The following EGF variants were observed in gnomAD, a reference collection of about 807,000 sequenced individuals.
EGF encodes the protein epidermal growth factor.
Under a neutral mutation model 143.8 loss-of-function variants are expected in EGF, and 95 were observed. The observed-to-expected ratio is 0.66, with a 90% confidence interval of 0.56 to 0.78. EGF has a LOEUF of 0.78. Ranked by LOEUF, EGF falls within the 30% of genes least tolerant of loss-of-function variation. The probability of loss-of-function intolerance (pLI) is 0.00; values close to 1 mark genes in which losing one functional copy is unlikely to be tolerated. For synonymous variants in EGF, 510 were observed against 510.5 expected, an observed-to-expected ratio of 1.00 and a Z score of 0.01; for missense variants, 1,320 against 1,470.9, an observed-to-expected ratio of 0.90 and a Z score of 1.68.
At chr4:109,977,128 A>G (rs1016685265) in intron 13 of EGF, 3 of 152,220 alleles carry the variant, frequency 2.0e-5, no homozygotes, top group African/African-American at 7.2e-5. Flanking sequence ...ATTATTGTGC[A>G]TAAAAAATTA....
At chr4:109,946,586 G>A (rs1275260492) in intron 5 of EGF, among the ~76,000 whole-genome samples, 3 of 152,084 alleles carry the variant, frequency 2.0e-5, no homozygotes, top group African/African-American at 7.2e-5. Context: ...AGCTCATCAC[G>A]AGGTGTAACT....
At chr4:110,010,495 G>A (rs13132659) in intron 23 of EGF, among the ~76,000 whole-genome samples, 1 of 152,104 alleles carries the variant, frequency 6.6e-6, no homozygotes, top group African/African-American at 2.4e-5. Flanking sequence ...CTGTCACTCA[G>A]GCTAAAGTAC....
chr4:109,949,098 G>A (rs763081096), intron 5 of EGF, among the ~76,000 whole-genome samples: 6 of 151,678 alleles, frequency 4.0e-5, no homozygotes, highest in Non-Finnish European at 5.9e-5. Flanking sequence ...ATGGAGTCTC[G>A]CTCTATCGCC....
rs1736055317 is a variant in EGF at position 109,913,457 on chromosome 4, G to A, written c.122G>A (p.Cys41Tyr). 6.2e-7 allele frequency: 1 copy of A among 1,613,670 alleles called. No individual in the cohort carries two copies. Among genetic ancestry groups the A allele is most frequent in the Non-Finnish European group, 8.5e-7 (1 of 1,179,766 alleles). ...CTCGCAGGAAATGGGAATTCTACTT[G>A]TGTGGGTAAGTACTCCAATGAAAAG... ...GTLAGNGNSTCVGPAPFLIFS... is the reference protein window; with the variant it reads ...GTLAGNGNSTYVGPAPFLIFS... The change falls in exon 1 of 24, where the codon TGT becomes TAT. Residue 41 changes from cysteine to tyrosine, a missense_variant. Physicochemically the swap from Cys to Tyr is radical, Grantham distance 194 (BLOSUM62 -2). Around this residue, in one of 5 missense-constraint regions of EGF, gnomAD observed 79 missense variants for 71.2 expected, o/e 1.11. Transcript: ENST00000265171.
chr4:110,009,629 C>CCCACAG, intron 23 of EGF, among the ~76,000 whole-genome samples: 1 of 152,082 alleles, frequency 6.6e-6, no homozygotes, highest in Non-Finnish European at 1.5e-5. Context: ...GTGGGCCACT[C>CCCACAG]ATATAACTAT....
At chr4:110,004,759 C>T in intron 22 of EGF, 137 bp downstream of exon 22, 2 of 360,896 alleles carry the variant, frequency 5.5e-6, no homozygotes, top group Non-Finnish European at 1.1e-5. Flanking sequence ...GCCAAGACCA[C>T]ATCAGCTAGG....
At chr4:109,987,923 CT>C (rs954392858) in intron 17 of EGF, 63 bp downstream of exon 17, 2 of 1,286,812 alleles carry the variant, frequency 1.6e-6, no homozygotes, top group Non-Finnish European at 2.3e-6. Context: ...TTTTTCTGCT[CT>C]TTCTGACTCA....
At chr4:109,966,912 G>T (rs1228741490) in intron 10 of EGF, among the ~76,000 whole-genome samples, 1 of 152,014 alleles carries the variant, frequency 6.6e-6, no homozygotes, top group South Asian at 2.1e-4. Context: ...TTCTCGGGTT[G>T]TTTGAGTTCC....
At chr4:109,937,588 A>G (rs1741076192) in intron 1 of EGF, among the ~76,000 whole-genome samples, 1 of 152,148 alleles carries the variant, frequency 6.6e-6, no homozygotes, top group African/African-American at 2.4e-5. Context: ...TTATGGTGCT[A>G]GCTGGTTTCT....
chr4:110,001,770 A>G (rs1161957653), intron 21 of EGF: 1 of 985,354 alleles, frequency 1.0e-6, no homozygotes, highest in Non-Finnish European at 1.2e-6. Flanking sequence ...TCAGACTCTC[A>G]TACTCCAAAA....
At chr4:109,964,315 G>A in intron 9 of EGF, 86 bp from the exon 10 acceptor site, 2 of 1,578,132 alleles carry the variant, frequency 1.3e-6, no homozygotes, top group Non-Finnish European at 1.7e-6. Context: ...TGGGTAAAAA[G>A]GTACAGTGAA....
chr4:109,964,734 A>C (rs772426101), intron 10 of EGF, among the ~76,000 whole-genome samples, 197 bp downstream of exon 10: 1 of 152,190 alleles, frequency 6.6e-6, no homozygotes, highest in South Asian at 2.1e-4. Context: ...ATGCTACCCT[A>C]GTCCTTGCTA....
chr4:109,941,655 G>A (rs1379116212), intron 2 of EGF, among the ~76,000 whole-genome samples: 8 of 152,126 alleles, frequency 5.3e-5, no homozygotes, highest in Non-Finnish European at 1.0e-4. Context: ...GAATTGTCCA[G>A]CCCCAAATGT....
intron 22 of EGF, among the ~76,000 whole-genome samples, chr4:110,006,307 T>A (rs1057487290): frequency 2.0e-5 from 3 of 152,172 alleles, no homozygotes; most frequent in Admixed American, 6.5e-5. Context: ...ATAGCACCAC[T>A]GCACTCCAGC....
At chr4:109,953,084 A>G (rs1744203861) in intron 5 of EGF, among the ~76,000 whole-genome samples, 1 of 152,178 alleles carries the variant, frequency 6.6e-6, no homozygotes, top group African/African-American at 2.4e-5. Flanking sequence ...ATAAACTGGT[A>G]GTTTAGGCTT....
intron 1 of EGF, among the ~76,000 whole-genome samples, chr4:109,927,590 G>A (rs1738915795): frequency 6.6e-6 from 1 of 152,004 alleles, no homozygotes; most frequent in South Asian, 2.1e-4. Context: ...TGGGCGTGGT[G>A]GCGGGCGCTT....
Position 109,959,445 on chromosome 4 carries a change from C to A in EGF, c.1066+8C>A, listed in dbSNP as rs1745334457. The stretch of plus-strand genomic sequence containing the variant: ...ACCGGAAGTACTGTGAAGGTAATGA[C>A]TGGAAGTACTGTGAAGGTAATGGAA... On this transcript the variant is annotated splice_region_variant and intron_variant, in intron 6 of 23. Transcript: ENST00000265171. The A allele has an allele frequency of 6.2e-7, 1 of 1,613,518 alleles. No individual in the cohort carries two copies. The highest frequency in any genetic ancestry group is 8.5e-7 in the Non-Finnish European group (1 of 1,179,756).
intron 1 of EGF, among the ~76,000 whole-genome samples, chr4:109,927,574 A>G (rs1738910468): frequency 6.6e-6 from 1 of 151,946 alleles, no homozygotes. Flanking sequence ...AACACAAAAA[A>G]TTAGTTGGGC....
intron 20 of EGF, among the ~76,000 whole-genome samples, chr4:109,997,306 C>G (rs925261333): frequency 2.6e-5 from 4 of 152,126 alleles, no homozygotes; most frequent in Non-Finnish European, 5.9e-5. Context: ...TAGGGAGGTT[C>G]AGAATCTTGT....
Sources: allele counts gnomAD v4.1 joint callset (sites outside exome capture counted in the v4.1 genomes callset), GRCh38; gene constraint gnomAD v4.1.1; regional missense constraint gnomAD v4.1.1; transcripts MANE v1.5; gene names NCBI Gene and HGNC (gene_info 2026-07-23, HGNC 2026-07-21).